Variants in CACNB2 observed in about 807,000 individuals in gnomAD.
CACNB2 encodes voltage-dependent L-type calcium channel subunit beta-2.
A neutral mutation model predicts 73.3 loss-of-function variants in CACNB2; 42 were observed. The ratio of observed to expected loss-of-function variants is 0.57; its 90% CI spans 0.45 to 0.74. The LOEUF (loss-of-function observed/expected upper bound fraction) is 0.74. CACNB2 is among the 30% of genes least tolerant of loss of function. CACNB2 has a pLI of 0.00. For missense variants in CACNB2, 940 were observed against 853.0 expected, an observed-to-expected ratio of 1.10 and a Z score of -1.27; for synonymous variants, 348 against 310.3, an observed-to-expected ratio of 1.12 and a Z score of -1.28.
chr10:18,198,355 G>A (rs900646724), intron 2 of CACNB2, among the ~76,000 whole-genome samples: 41 of 151,774 alleles, frequency 2.7e-4, no homozygotes, highest in African/African-American at 8.7e-4. Context: ...AGCTCATACC[G>A]GGGGCACCTG....
rs534288159 is a variant in CACNB2 at position 18,457,534 on chromosome 10, A to G, written c.334-40821A>G. Among the ~76,000 whole-genome samples the G allele has an allele frequency of 2.0e-5, 3 of 152,298 alleles. No individual in the cohort carries two copies. In the East Asian group the frequency reaches 5.8e-4, roughly 29 times the overall value. On this transcript the variant is annotated intron_variant, in intron 3 of 13. Transcript: ENST00000324631. ...TGCTGGGTAATAGTCCTTAGTTTAA[A>G]TATGTCCCAGCTCTCCTTAGCACAG...
chr10:18,327,647 C>T (rs2040637376), intron 2 of CACNB2, among the ~76,000 whole-genome samples: 1 of 152,158 alleles, frequency 6.6e-6, no homozygotes, highest in Non-Finnish European at 1.5e-5. Flanking sequence ...TGGTCTCAAA[C>T]TCCTGACCTC....
intron 3 of CACNB2, among the ~76,000 whole-genome samples, chr10:18,447,900 T>C (rs2046813806): frequency 6.6e-6 from 1 of 152,190 alleles, no homozygotes; most frequent in African/African-American, 2.4e-5. Flanking sequence ...AGAGCTATTT[T>C]TGTTTTCTTT....
At chr10:18,424,086 G>A (rs1297927134) in intron 3 of CACNB2, among the ~76,000 whole-genome samples, 2 of 152,092 alleles carry the variant, frequency 1.3e-5, no homozygotes, top group African/African-American at 2.4e-5. Flanking sequence ...GATACAGAGT[G>A]TCACTAATAG....
chr10:18,452,086 T>C (rs76935746), intron 3 of CACNB2, among the ~76,000 whole-genome samples: 45 of 152,334 alleles, frequency 3.0e-4, no homozygotes, highest in Non-Finnish European at 5.4e-4. Flanking sequence ...TCATGAATTA[T>C]TCCTATCTTA....
chr10:18,166,580 T>C (rs758723651), intron 2 of CACNB2, among the ~76,000 whole-genome samples: 4 of 152,196 alleles, frequency 2.6e-5, no homozygotes, highest in East Asian at 1.9e-4. Flanking sequence ...GCTTAAGAGA[T>C]TAGATACCCT....
intron 2 of CACNB2, among the ~76,000 whole-genome samples, chr10:18,372,910 A>G (rs990712709): frequency 2.0e-5 from 3 of 152,230 alleles, no homozygotes; most frequent in African/African-American, 4.8e-5. Flanking sequence ...AGTCCTTGGT[A>G]TGACTTTTGT....
intron 3 of CACNB2, among the ~76,000 whole-genome samples, chr10:18,460,749 G>A (rs1391688693): frequency 6.6e-6 from 1 of 151,926 alleles, no homozygotes; most frequent in South Asian, 2.1e-4. Context: ...AAATTATTAT[G>A]TATGGTAGGG....
In CACNB2 at chr10:18,498,392, G is replaced by C; in HGVS notation, c.371G>C (p.Ser124Thr). 6.2e-7 allele frequency: 1 copy of C among 1,614,132 alleles called. No homozygotes were observed. Among genetic ancestry groups the C allele is most frequent in the East Asian group, 2.2e-5 (1 of 44,870 alleles). ...PVAFAVRTNV[S>T]YSAAHEDDVP... The stretch of plus-strand genomic sequence containing the variant: ...GCATTTGCGGTTCGGACAAATGTCA[G>C]CTACAGTGCGGCCCATGAAGATGAT... The change falls in exon 4 of 14, where the codon AGC (serine) becomes ACC (threonine). Residue 124 changes from serine (S) to threonine (T), a missense_variant. Physicochemically the swap from Ser to Thr is moderately conservative, Grantham distance 58. Transcript: ENST00000324631.
At chr10:18,231,806 C>T (rs981458023) in intron 2 of CACNB2, among the ~76,000 whole-genome samples, 2 of 152,196 alleles carry the variant, frequency 1.3e-5, no homozygotes, top group Non-Finnish European at 2.9e-5. Flanking sequence ...ATTCAAGACT[C>T]ATTGTTCACT....
At chr10:18,369,782 C>T (rs2042501498) in intron 2 of CACNB2, among the ~76,000 whole-genome samples, 1 of 152,140 alleles carries the variant, frequency 6.6e-6, no homozygotes, top group Admixed American at 6.5e-5. Context: ...TGGCACATAC[C>T]TGTAGTCCCA....
At chr10:18,355,832 T>G (rs2041886404) in intron 2 of CACNB2, among the ~76,000 whole-genome samples, 1 of 152,014 alleles carries the variant, frequency 6.6e-6, no homozygotes, top group African/African-American at 2.4e-5. Flanking sequence ...GAGACAGGAT[T>G]TCACCATCTT....
intron 1 of CACNB2, among the ~76,000 whole-genome samples, chr10:18,143,668 T>C (rs1294107793): frequency 1.3e-5 from 2 of 152,180 alleles, no homozygotes; most frequent in Non-Finnish European, 2.9e-5. Context: ...GGGAAAGCCA[T>C]CTCTTCCATC....
At chr10:18,229,086 A>G (rs1241957380) in intron 2 of CACNB2, among the ~76,000 whole-genome samples, 1 of 152,212 alleles carries the variant, frequency 6.6e-6, no homozygotes, top group Non-Finnish European at 1.5e-5. Context: ...TTGTTACAGC[A>G]AATATATACA....
chr10:18,350,113 C>T (rs941947426), intron 2 of CACNB2, among the ~76,000 whole-genome samples: 5 of 152,024 alleles, frequency 3.3e-5, no homozygotes, highest in South Asian at 4.2e-4. Context: ...GGCATGGTGG[C>T]GAGTGCCTGT....
chr10:18,381,684 G>A (rs1411644725), intron 2 of CACNB2, among the ~76,000 whole-genome samples: 10 of 129,852 alleles, frequency 7.7e-5, no homozygotes, highest in Admixed American at 2.5e-4. Context: ...GTGAGACTCC[G>A]TCTCAAAAAA....
chr10:18,536,197 G>GTAAGTTATCTC lies in CACNB2; in HGVS notation c.1302+4_1302+14dup, dbSNP rs1340442959. 7.6e-6 allele frequency: 10 copies of GTAAGTTATCTC among 1,308,766 alleles called. No individual in the cohort carries two copies. Among genetic ancestry groups the GTAAGTTATCTC allele is most frequent in the Admixed American group, 5.6e-5 (3 of 53,400 alleles). The allele number at this position is 1,308,766 out of a possible 1,614,324, so 81.1% of individuals were successfully genotyped here. On this transcript the variant is annotated splice_donor_variant, in intron 12 of 13. Coordinates refer to ENST00000324631, the MANE Select transcript of CACNB2 (RefSeq NM_201596.3). LOFTEE classifies it high-confidence loss of function. ...TGATAAACTGGCTCAGTGTCCTCCA[G>GTAAGTTATCTC]TAAGTTATCTCTATATACAGCATAA...
At chr10:18,518,079 T>G (rs1416489275) in intron 7 of CACNB2, among the ~76,000 whole-genome samples, 1 of 152,198 alleles carries the variant, frequency 6.6e-6, no homozygotes, top group Admixed American at 6.5e-5. Flanking sequence ...GCAGCATCTC[T>G]TGCTTTAGGA....
intron 3 of CACNB2, among the ~76,000 whole-genome samples, chr10:18,442,922 A>ATG (rs1554820269): frequency 2.3e-5 from 2 of 87,682 alleles, no homozygotes; most frequent in East Asian, 9.4e-4. Flanking sequence ...ATATATATAT[A>ATG]TATGTATATA....
Sources: allele counts gnomAD v4.1 joint callset (sites outside exome capture counted in the v4.1 genomes callset), GRCh38; gene constraint gnomAD v4.1.1; transcripts MANE v1.5; gene names NCBI Gene and HGNC (gene_info 2026-07-23, HGNC 2026-07-21).